Variants in RGS7BP observed in about 807,000 individuals in gnomAD.
The protein encoded by RGS7BP is regulator of G protein signaling 7-binding protein.
In RGS7BP, 9 loss-of-function variants were observed where a neutral mutation model predicts 31.3. The ratio of observed to expected loss-of-function variants is 0.29; its 90% CI spans 0.17 to 0.50. RGS7BP has a LOEUF of 0.50. RGS7BP is among the 20% of genes least tolerant of loss of function. The pLI, the probability that RGS7BP is intolerant of heterozygous loss-of-function variation, is 0.98. For synonymous variants in RGS7BP, 115 were observed against 120.1 expected, an observed-to-expected ratio of 0.96 and a Z score of 0.28; for missense variants, 274 against 322.0, an observed-to-expected ratio of 0.85 and a Z score of 1.14.
intron 3 of RGS7BP, among the ~76,000 whole-genome samples, chr5:64,587,123 G>C (rs935467733): frequency 6.6e-6 from 1 of 152,144 alleles, no homozygotes; most frequent in Non-Finnish European, 1.5e-5. Flanking sequence ...TCGTATAGGA[G>C]GACTTTTAGG....
intron 2 of RGS7BP, among the ~76,000 whole-genome samples, chr5:64,519,538 G>A (rs1424290337): frequency 6.6e-6 from 1 of 152,166 alleles, no homozygotes; most frequent in Admixed American, 6.5e-5. Context: ...GATGTCACCT[G>A]GGCTGAACTT....
At chr5:64,517,914 AT>A (rs201692337) in intron 2 of RGS7BP, among the ~76,000 whole-genome samples, 3,892 of 152,228 alleles carry the variant, frequency 0.026, 119 homozygotes, top group African/African-American at 0.077. Context: ...TCTTTAAAAA[AT>A]TTTTTTAAAC....
intron 5 of RGS7BP, among the ~76,000 whole-genome samples, chr5:64,599,686 T>G (rs1315285404): frequency 6.6e-6 from 1 of 152,226 alleles, no homozygotes; most frequent in African/African-American, 2.4e-5. Context: ...GATGAGAGAC[T>G]GCTCTGACCA....
chr5:64,552,922 T>C (rs1226092362), intron 2 of RGS7BP, among the ~76,000 whole-genome samples: 1 of 152,166 alleles, frequency 6.6e-6, no homozygotes, highest in Non-Finnish European at 1.5e-5. Flanking sequence ...TTTCACAGTC[T>C]TGTGCTGTCC....
intron 2 of RGS7BP, among the ~76,000 whole-genome samples, chr5:64,572,401 G>A (rs1742320533): frequency 6.6e-6 from 1 of 152,126 alleles, no homozygotes; most frequent in Non-Finnish European, 1.5e-5. Context: ...TGAACTTTCA[G>A]TAATCACTAA....
chr5:64,596,944 T>C (rs1743085635), intron 4 of RGS7BP, among the ~76,000 whole-genome samples: 1 of 152,182 alleles, frequency 6.6e-6, no homozygotes, highest in Non-Finnish European at 1.5e-5. Context: ...GGTGACTGTC[T>C]TTCCTCAAAT....
At chr5:64,537,925 A>G (rs1342177224) in intron 2 of RGS7BP, among the ~76,000 whole-genome samples, 1 of 152,230 alleles carries the variant, frequency 6.6e-6, no homozygotes, top group Admixed American at 6.5e-5. Context: ...CACTGGGAAG[A>G]GTGGAAAAGA....
Position 64,607,758 on chromosome 5 carries a change from G to A in RGS7BP, c.683-1403G>A, listed in dbSNP as rs939454732. On this transcript the variant is annotated intron_variant, in intron 5 of 5. Transcript: ENST00000334025. ...AGCTTTGTCTAAATTCCAAAAGGGAGGAGGATATAATGAAGAATGTTCAAC... is the reference window on the plus strand; with the variant it reads ...AGCTTTGTCTAAATTCCAAAAGGGAAGAGGATATAATGAAGAATGTTCAAC... 1.2e-4 allele frequency among the ~76,000 whole-genome samples: 18 copies of A among 151,894 alleles called. 1 individual carries two copies. Among genetic ancestry groups the A allele is most frequent in the Admixed American group, 1.2e-3 (18 of 15,222 alleles).
chr5:64,509,996 C>T (rs1284811530), intron 2 of RGS7BP, among the ~76,000 whole-genome samples: 1 of 152,096 alleles, frequency 6.6e-6, no homozygotes. Context: ...TTCCCTTTGG[C>T]GGAATTCCGT....
Position 64,548,321 on chromosome 5 carries a change from C to T in RGS7BP, c.333-27453C>T, listed in dbSNP as rs149128660. 3.1e-3 allele frequency among the ~76,000 whole-genome samples: 471 copies of T among 152,166 alleles called. 3 individuals are homozygous for T. Among genetic ancestry groups the T allele is most frequent in the African/African-American group, 0.011 (454 of 41,536 alleles). On this transcript the variant is annotated intron_variant, in intron 2 of 5. Transcript: ENST00000334025. ...AAAGTACTAGAAAATAATAGAGACA[C>T]ATATTTATACAATTGAGTCAGAAAG...
At chr5:64,551,040 A>C (rs2111835786) in intron 2 of RGS7BP, among the ~76,000 whole-genome samples, 1 of 151,932 alleles carries the variant, frequency 6.6e-6, no homozygotes, top group East Asian at 1.9e-4. Context: ...ATACAATCAT[A>C]GCAGCAATTA....
intron 5 of RGS7BP, among the ~76,000 whole-genome samples, chr5:64,602,146 C>T (rs1367954373): frequency 3.3e-5 from 5 of 152,176 alleles, no homozygotes; most frequent in Non-Finnish European, 7.3e-5. Context: ...CATCCAGAAC[C>T]GAACCTGGCT....
chr5:64,515,146 T>C (rs925216617), intron 2 of RGS7BP, among the ~76,000 whole-genome samples: 2 of 152,232 alleles, frequency 1.3e-5, no homozygotes, highest in East Asian at 3.8e-4. Flanking sequence ...GTCTTTTCTG[T>C]TCATTAAGTT....
intron 4 of RGS7BP, 35 bp downstream of exon 4, chr5:64,594,892 C>T (rs562019162): frequency 1.4e-5 from 23 of 1,606,050 alleles, no homozygotes; most frequent in Non-Finnish European, 1.7e-5. Context: ...GACTGCCAAT[C>T]CTCCTCCCGT....
At chr5:64,518,346 T>A (rs1025314185) in intron 2 of RGS7BP, among the ~76,000 whole-genome samples, 2 of 144,148 alleles carry the variant, frequency 1.4e-5, no homozygotes, top group Non-Finnish European at 3.0e-5. Context: ...CTTGTATTCA[T>A]GGTGTGTGTG....
intron 2 of RGS7BP, among the ~76,000 whole-genome samples, chr5:64,512,466 G>C (rs1274577574): frequency 6.6e-6 from 1 of 152,184 alleles, no homozygotes. Context: ...CATGTAGTAT[G>C]AAGTCGGGCA....
At chr5:64,546,524 T>G (rs1741663803) in intron 2 of RGS7BP, among the ~76,000 whole-genome samples, 1 of 152,094 alleles carries the variant, frequency 6.6e-6, no homozygotes, top group Non-Finnish European at 1.5e-5. Flanking sequence ...TTAGGGACCC[T>G]GAAAATGACC....
chr5:64,556,509 G>A (rs568197029), intron 2 of RGS7BP, among the ~76,000 whole-genome samples: 1 of 149,950 alleles, frequency 6.7e-6, no homozygotes, highest in Non-Finnish European at 1.5e-5. Flanking sequence ...ATGTCCAGAT[G>A]GTTAGTTTGG....
chr5:64,557,273 C>G (rs1016846025), intron 2 of RGS7BP, among the ~76,000 whole-genome samples: 2 of 152,120 alleles, frequency 1.3e-5, no homozygotes, highest in African/African-American at 4.8e-5. Context: ...GTTATGCTCC[C>G]CAACGTACCC....
Sources: gnomAD v4.1 joint callset for allele counts (sites outside exome capture counted in the v4.1 genomes callset) on GRCh38, gnomAD v4.1.1 for gene constraint, MANE v1.5 for transcripts, NCBI Gene and HGNC (gene_info 2026-07-23, HGNC 2026-07-21) for gene names.